CPXM2: variants seen among roughly 807,000 people sequenced by gnomAD.
CPXM2 encodes the protein carboxypeptidase X, M14 family member 2, also known as inactive carboxypeptidase-like protein X2.
A neutral mutation model predicts 86.1 loss-of-function variants in CPXM2; 66 were observed. The ratio of observed to expected loss-of-function variants is 0.77; its 90% CI spans 0.63 to 0.94. The LOEUF is 0.94. CPXM2 is among the 40% of genes least tolerant of loss of function. The pLI, the probability that CPXM2 is intolerant of heterozygous loss-of-function variation, is 0.00. For synonymous variants in CPXM2, 388 were observed against 400.2 expected (o/e 0.97, Z 0.36); for missense variants, 948 against 1,026.3 (o/e 0.92, Z 1.04).
chr10:123,926,963 C>A (rs529422133), intron 2 of CPXM2, among the ~76,000 whole-genome samples: 43 of 152,332 alleles, frequency 2.8e-4, no homozygotes, highest in Admixed American at 1.6e-3. Context: ...AGAGAAGAGA[C>A]AGACTTACCC....
chr10:123,760,801 T>A (rs569346114), intron 11 of CPXM2, among the ~76,000 whole-genome samples: 2 of 152,132 alleles, frequency 1.3e-5, no homozygotes, highest in Non-Finnish European at 2.9e-5. Context: ...CCTCCTCCTC[T>A]TCATCATCAT....
In CPXM2 at chr10:123,855,667, A is replaced by C. The variant is rs74740694; in HGVS notation, c.513+6947T>G. Among the ~76,000 whole-genome samples, 142 of 152,332 alleles carry C rather than the reference A, an allele frequency of 9.3e-4. 5 individuals are homozygous for C. In the East Asian group the frequency reaches 0.026, roughly 28 times the overall value. ...AAAACTCAGTTGGTTCAATGTTCTA[A>C]AACTGCATTCATGTCTTCATGCGGG... On this transcript the variant is annotated intron_variant, in intron 3 of 13. Coordinates refer to ENST00000241305, the MANE Select transcript of CPXM2 (RefSeq NM_198148.3).
In CPXM2 at chr10:123,754,744, C is replaced by T; in HGVS notation, c.1936G>A (p.Gly646Ser). ...TTTCCATGTGAATCTCTCACCAAGC[C>T]TTTAATGCCACGATGAACCTGCTCA... is the stretch of plus-strand genomic sequence containing the variant. Reference protein sequence around the residue: ...FMEQVHRGIKGLVRDSHGKGI... With the variant: ...FMEQVHRGIKSLVRDSHGKGI... The change falls in exon 13 of 14, where the codon GGC becomes AGC. Residue 646 changes from glycine to serine, a missense_variant. Coordinates refer to ENST00000241305, the MANE Select transcript of CPXM2 (RefSeq NM_198148.3). This position sits in a 1 kb window ranked among gnomAD's most constrained non-coding sequence, Gnocchi z 4.0. 1 of 1,606,880 alleles carries T rather than the reference C, an allele frequency of 6.2e-7. No individual in the cohort carries two copies. The highest frequency in any genetic ancestry group is 8.5e-7 in the Non-Finnish European group (1 of 1,173,352).
chr10:123,827,644 T>G (rs61863826), intron 4 of CPXM2, among the ~76,000 whole-genome samples: 8,645 of 152,260 alleles, frequency 0.057, 323 homozygotes, highest in South Asian at 0.1. Flanking sequence ...TATCTACAAA[T>G]GTACACACAG....
At chr10:123,765,501 A>T (rs190274611) in intron 10 of CPXM2, among the ~76,000 whole-genome samples, 1 of 152,262 alleles carries the variant, frequency 6.6e-6, no homozygotes, top group African/African-American at 2.4e-5. Flanking sequence ...TTTTGGTCTA[A>T]GTGTTCCCAA....
At chr10:123,929,316 ACTGGT>A (rs1454222582) in intron 2 of CPXM2, among the ~76,000 whole-genome samples, 12 of 152,340 alleles carry the variant, frequency 7.9e-5, no homozygotes, top group African/African-American at 2.9e-4. Context: ...ATGGGAGGGC[ACTGGT>A]GCCTTGGCAA....
intron 4 of CPXM2, among the ~76,000 whole-genome samples, chr10:123,839,531 C>T (rs1232522967): frequency 6.6e-6 from 1 of 152,090 alleles, no homozygotes; most frequent in Non-Finnish European, 1.5e-5. Context: ...AGTGCCAAGA[C>T]ATGGATCTGC....
Position 123,880,507 on chromosome 10 carries a change from A to G in CPXM2, c.305-198T>C, listed in dbSNP as rs1015258565. On this transcript the variant is annotated intron_variant, in intron 1 of 13. Transcript: ENST00000241305. ...TTATTAGCAACACCCAGGAGAAGAA[A>G]CACTCCTAATAAAAACAATGTACAC... Among the ~76,000 whole-genome samples the G allele has an allele frequency of 7.9e-5, 12 of 152,242 alleles. No individual in the cohort carries two copies. In the East Asian group the frequency reaches 2.3e-3, roughly 29 times the overall value.
At chr10:123,820,590 G>A (rs187090739) in intron 4 of CPXM2, among the ~76,000 whole-genome samples, 181 of 152,314 alleles carry the variant, frequency 1.2e-3, no homozygotes, top group African/African-American at 4.2e-3. Flanking sequence ...AATACCTTCT[G>A]TATCAGTGCT....
At chr10:123,822,687 T>G (rs1847953403) in intron 4 of CPXM2, among the ~76,000 whole-genome samples, 1 of 150,320 alleles carries the variant, frequency 6.7e-6, no homozygotes, top group African/African-American at 2.5e-5. Flanking sequence ...ATGCAAATAA[T>G]AATTTCAAAA....
chr10:123,875,966 G>A (rs1439889948), intron 2 of CPXM2, among the ~76,000 whole-genome samples: 2 of 151,796 alleles, frequency 1.3e-5, no homozygotes, highest in African/African-American at 4.8e-5. Flanking sequence ...ACAAGTGCAT[G>A]CTGCCACGCC....
intron 7 of CPXM2, among the ~76,000 whole-genome samples, chr10:123,778,616 T>A (rs1846859533): frequency 6.6e-6 from 1 of 152,230 alleles, no homozygotes; most frequent in Non-Finnish European, 1.5e-5. Context: ...TATTTACAGA[T>A]AACAGCTACC....
At chr10:123,801,707 A>T (rs564336209) in intron 4 of CPXM2, among the ~76,000 whole-genome samples, 1 of 152,310 alleles carries the variant, frequency 6.6e-6, no homozygotes, top group African/African-American at 2.4e-5. Flanking sequence ...TATTAACAAA[A>T]TCCCCATCAC....
intron 2 of CPXM2, among the ~76,000 whole-genome samples, chr10:123,871,872 C>T (rs1399073551): frequency 6.6e-6 from 1 of 152,080 alleles, no homozygotes; most frequent in East Asian, 1.9e-4. Context: ...CAAACAAAAA[C>T]CCTCCTATAA....
chr10:123,907,782 C>G (rs985004329), intron 2 of CPXM2, among the ~76,000 whole-genome samples: 1 of 152,094 alleles, frequency 6.6e-6, no homozygotes, highest in Non-Finnish European at 1.5e-5. Context: ...CCCAGATGTA[C>G]ACTGAAGGCA....
chr10:123,880,864 C>T (rs7909120), intron 1 of CPXM2, among the ~76,000 whole-genome samples: 44,765 of 140,342 alleles, frequency 0.32, 7,795 homozygotes, highest in Middle Eastern at 0.44. Context: ...TGAAGAATAC[C>T]TTTGGGTAGT....
intron 4 of CPXM2, among the ~76,000 whole-genome samples, chr10:123,813,057 G>A (rs1016563447): frequency 1.3e-5 from 2 of 152,208 alleles, no homozygotes. Flanking sequence ...TTGTACAATA[G>A]GCCTACATAC....
At chr10:123,800,960 G>A (rs1000672578) in intron 4 of CPXM2, among the ~76,000 whole-genome samples, 11 of 151,632 alleles carry the variant, frequency 7.3e-5, no homozygotes, top group Non-Finnish European at 1.2e-4. Context: ...ACTGATTCAC[G>A]CCTTCCGCTC....
chr10:123,798,145 G>A lies in CPXM2; in HGVS notation c.739-19C>T. The A allele has an allele frequency of 1.3e-6, 2 of 1,556,146 alleles. No homozygotes were observed. The highest frequency in any genetic ancestry group is 1.7e-6 in the Non-Finnish European group (2 of 1,151,288). On this transcript the variant is annotated intron_variant, in intron 5 of 13. Transcript: ENST00000241305. The stretch of plus-strand genomic sequence containing the variant: ...CAAATATCTATTTATGCTCATGGGA[G>A]AAAAGGAAAATCTTTTAGTGCTTAA...
Sources: gnomAD v4.1 joint callset for allele counts (sites outside exome capture counted in the v4.1 genomes callset) on GRCh38, gnomAD v4.1.1 for gene constraint, Gnocchi (gnomAD v3.1) non-coding constraint, MANE v1.5 for transcripts, NCBI Gene and HGNC (gene_info 2026-07-23, HGNC 2026-07-21) for gene names.